The following DISC1 variants were observed in gnomAD, a reference collection of about 807,000 sequenced individuals.
DISC1 encodes the protein DISC1 scaffold protein.
DISC1 carries 57 observed loss-of-function variants against 84.5 expected under a neutral mutation model. The ratio of observed to expected loss-of-function variants is 0.67; its 90% CI spans 0.55 to 0.84. The LOEUF (loss-of-function observed/expected upper bound fraction) is 0.84. DISC1 is among the 40% of genes least tolerant of loss of function. The pLI, the probability that DISC1 is intolerant of heterozygous loss-of-function variation, is 0.00. For synonymous variants in DISC1, 411 were observed against 415.2 expected (o/e 0.99, Z 0.12); for missense variants, 1,000 against 1,057.8 (o/e 0.95, Z 0.76).
Position 231,931,157 on chromosome 1 carries a change from G to T in DISC1, c.1982-27671G>T, listed in dbSNP as rs919690168. On this transcript the variant is annotated intron_variant, in intron 9 of 12. Transcript: ENST00000439617. The stretch of plus-strand genomic sequence containing the variant: ...CTCCAGGAGATGGAGGTAGTTCTTA[G>T]TTGACCAGAGGGGAGCAGGACCACC... Among the ~76,000 whole-genome samples, 8 of 152,252 alleles carry T rather than the reference G, an allele frequency of 5.3e-5. No homozygotes were observed. The South Asian group carries it at 1.7e-3, about 32-fold the overall frequency.
chr1:231,713,423 A>G (rs1342100368), intron 3 of DISC1, among the ~76,000 whole-genome samples: 1 of 152,114 alleles, frequency 6.6e-6, no homozygotes, highest in African/African-American at 2.4e-5. Context: ...GAAACCAGAA[A>G]AACAGTGTAT....
intron 4 of DISC1, among the ~76,000 whole-genome samples, chr1:231,762,184 CTTTTCTTT>C: frequency 1.9e-5 from 2 of 107,350 alleles, no homozygotes; most frequent in East Asian, 5.0e-4. Context: ...TTCCTTCCTT[CTTTTCTTT>C]CTTTTCTTTT....
At chr1:231,951,722 C>G (rs572012476) in intron 9 of DISC1, among the ~76,000 whole-genome samples, 3 of 152,150 alleles carry the variant, frequency 2.0e-5, no homozygotes. Context: ...TGATATTCAC[C>G]TCTGTGGCCC....
At chr1:231,629,720 A>G (rs549388037) in intron 1 of DISC1, 2 of 152,438 alleles carry the variant, frequency 1.3e-5, no homozygotes, top group East Asian at 3.9e-4. Flanking sequence ...TGACAAAAAT[A>G]GTACTTGCTA....
At position 231,893,328 on chromosome 1, in the gene DISC1, C is replaced by T. The variant is rs186996663; in HGVS notation, c.1982-65500C>T. On this transcript the variant is annotated intron_variant, in intron 9 of 12. Transcript: ENST00000439617. ...GTGTATATGTGCGGTTAATAAAATT[C>T]GATAGTCTAGAAAGCTTTAAATGCA... Among the ~76,000 whole-genome samples the T allele has an allele frequency of 4.6e-5, 7 of 152,040 alleles. No homozygotes were observed. The East Asian group carries it at 1.2e-3, about 25-fold the overall frequency.
At chr1:232,024,767 AT>A (rs1029087117) in intron 11 of DISC1, among the ~76,000 whole-genome samples, 1 of 146,290 alleles carries the variant, frequency 6.8e-6, no homozygotes, top group African/African-American at 2.6e-5. Context: ...TAATTTTTGT[AT>A]TTTTTTAGAG....
At chr1:231,723,136 G>C in intron 3 of DISC1, 3 of 936,240 alleles carry the variant, frequency 3.2e-6, no homozygotes, top group Non-Finnish European at 3.8e-6. Flanking sequence ...GTTTTCAGTG[G>C]ATATGAAAAG....
At chr1:231,676,312 G>A (rs1242390270) in intron 1 of DISC1, among the ~76,000 whole-genome samples, 1 of 152,154 alleles carries the variant, frequency 6.6e-6, no homozygotes, top group Non-Finnish European at 1.5e-5. Context: ...GAGCCCTGTG[G>A]GACCTTCCCT....
chr1:231,674,760 A>G (rs2062977125), intron 1 of DISC1, among the ~76,000 whole-genome samples: 1 of 152,238 alleles, frequency 6.6e-6, no homozygotes, highest in Non-Finnish European at 1.5e-5. Context: ...AGTTCTGCCT[A>G]AGAGCAAAGT....
At chr1:231,841,201 C>G (rs889857322) in intron 9 of DISC1, among the ~76,000 whole-genome samples, 2 of 152,190 alleles carry the variant, frequency 1.3e-5, no homozygotes, top group African/African-American at 4.8e-5. Context: ...AATCTGAAAT[C>G]CACAACACTT....
At chr1:231,908,214 C>T (rs1571976197) in intron 9 of DISC1, among the ~76,000 whole-genome samples, 2 of 152,160 alleles carry the variant, frequency 1.3e-5, no homozygotes, top group African/African-American at 2.4e-5. Context: ...CTTTTGTTGC[C>T]GTTGCTTTTG....
chr1:231,669,125 G>A (rs2125439924), intron 1 of DISC1, among the ~76,000 whole-genome samples: 1 of 152,310 alleles, frequency 6.6e-6, no homozygotes, highest in Non-Finnish European at 1.5e-5. Flanking sequence ...TTGAGAAAGG[G>A]AAGTCAGGGA....
intron 6 of DISC1, among the ~76,000 whole-genome samples, chr1:231,779,378 TA>T (rs2077202436): frequency 6.6e-6 from 1 of 152,134 alleles, no homozygotes; most frequent in African/African-American, 2.4e-5. Context: ...ACCTTTTACA[TA>T]GAGGGCCTAA....
chr1:231,833,757 G>A (rs1300237602), intron 9 of DISC1, among the ~76,000 whole-genome samples: 1 of 152,194 alleles, frequency 6.6e-6, no homozygotes, highest in African/African-American at 2.4e-5. Context: ...TGGAGATGTG[G>A]CTGGGGTTTG....
chr1:231,837,075 T>C (rs1350738934), intron 9 of DISC1, among the ~76,000 whole-genome samples: 1 of 151,584 alleles, frequency 6.6e-6, no homozygotes, highest in Non-Finnish European at 1.5e-5. Flanking sequence ...CTCTTTAGTA[T>C]TGAGAAGGTT....
At chr1:231,823,429 A>G (rs1484333563) in intron 9 of DISC1, among the ~76,000 whole-genome samples, 1 of 152,232 alleles carries the variant, frequency 6.6e-6, no homozygotes, top group African/African-American at 2.4e-5. Context: ...GGTTGAGAAT[A>G]TGATGTGATA....
chr1:231,838,638 A>G (rs1036045339), intron 9 of DISC1, among the ~76,000 whole-genome samples: 1 of 152,174 alleles, frequency 6.6e-6, no homozygotes, highest in Admixed American at 6.5e-5. Context: ...CTTGCATTAT[A>G]TCTCACGTTC....
chr1:231,947,462 T>C (rs1270834381), intron 9 of DISC1, among the ~76,000 whole-genome samples: 1 of 152,132 alleles, frequency 6.6e-6, no homozygotes, highest in East Asian at 1.9e-4. Context: ...CAACTCAAGA[T>C]GGATCAGAGA....
chr1:231,718,376 G>C (rs1398879463), intron 3 of DISC1, among the ~76,000 whole-genome samples: 1 of 151,116 alleles, frequency 6.6e-6, no homozygotes, highest in Non-Finnish European at 1.5e-5. Flanking sequence ...CCTGGCCCTT[G>C]CTTAGCTTTC....
Sources: allele counts gnomAD v4.1 joint callset (sites outside exome capture counted in the v4.1 genomes callset), GRCh38; gene constraint gnomAD v4.1.1; transcripts MANE v1.5; gene names NCBI Gene and HGNC (gene_info 2026-07-23, HGNC 2026-07-21).